Variants in PHF24 observed in about 807,000 individuals in gnomAD.
PHF24 encodes PHD finger protein 24.
PHF24 carries 25 observed loss-of-function variants against 42.6 expected under a neutral mutation model. The observed-to-expected ratio is 0.59, with a 90% CI of 0.43 to 0.82. The LOEUF (loss-of-function observed/expected upper bound fraction) is 0.82, where lower values mean the gene tolerates loss of function less well. PHF24 is among the 40% of genes least tolerant of loss of function. The pLI, the probability that PHF24 is intolerant of heterozygous loss-of-function variation, is 0.00. For synonymous variants in PHF24, 185 were observed against 204.8 expected (o/e 0.90, Z 0.83); for missense variants, 470 against 538.1 (o/e 0.87, Z 1.25).
chr9:34,771,210 ATTG>A, the PHF24 span, among the ~76,000 whole-genome samples: 1 of 152,248 alleles, frequency 6.6e-6, no homozygotes, highest in Non-Finnish European at 1.5e-5. Context: ...GGACAATTTC[ATTG>A]TTGTGCCAGC....
chr9:34,729,713 G>A, the PHF24 span, among the ~76,000 whole-genome samples: 2 of 152,156 alleles, frequency 1.3e-5, no homozygotes, highest in African/African-American at 4.8e-5. Context: ...CCCTATACCA[G>A]CCTGATGCCT....
the PHF24 span, among the ~76,000 whole-genome samples, chr9:34,759,656 C>T: frequency 6.6e-6 from 1 of 152,166 alleles, no homozygotes; most frequent in Non-Finnish European, 1.5e-5. Context: ...TGTAACAGTT[C>T]TATCACCCGT....
the PHF24 span, among the ~76,000 whole-genome samples, chr9:34,694,898 CA>C: frequency 1.3e-5 from 2 of 152,158 alleles, no homozygotes; most frequent in Non-Finnish European, 2.9e-5. Context: ...AAAATCTTTC[CA>C]GTTAAATTTT....
chr9:34,674,132 G>A, the PHF24 span, among the ~76,000 whole-genome samples: 9 of 152,144 alleles, frequency 5.9e-5, no homozygotes, highest in Non-Finnish European at 8.8e-5. Flanking sequence ...GTTTGCAACC[G>A]AAAAAGCCCT....
At chr9:34,958,076 T>C (rs1426293368), upstream of PHF24, among the ~76,000 whole-genome samples, 1 of 149,536 alleles carries the variant, frequency 6.7e-6, no homozygotes, top group Non-Finnish European at 1.5e-5. This position sits in a 1 kb window ranked among gnomAD's most constrained non-coding sequence, Gnocchi z 4.5. Context: ...CCGTCGCCGG[T>C]CACCCGCCGC....
Position 34,961,097 on chromosome 9 carries a change from C to T in PHF24, c.-5+2696C>T, listed in dbSNP as rs185420386. On this transcript the variant is annotated intron_variant, in intron 1 of 7. Coordinates refer to ENST00000242315, the Ensembl canonical transcript of PHF24. Reference sequence around the variant, plus strand: ...TAAGACCTCCCCAGGCCCATTTCCCCGACTCCTTGCAATTTTTTCCACTAC... The same window carrying T: ...TAAGACCTCCCCAGGCCCATTTCCCTGACTCCTTGCAATTTTTTCCACTAC... 1.1e-3 allele frequency among the ~76,000 whole-genome samples: 175 copies of T among 152,274 alleles called. 2 individuals carry two copies. The highest frequency in any genetic ancestry group is 3.9e-3 in the African/African-American group (163 of 41,558).
At chr9:34,711,456 C>T in the PHF24 span, among the ~76,000 whole-genome samples, 30 of 151,910 alleles carry the variant, frequency 2.0e-4, no homozygotes, top group East Asian at 4.5e-3. Flanking sequence ...TAGTCTCGAA[C>T]GCCTGACCTC....
the PHF24 span, among the ~76,000 whole-genome samples, chr9:34,906,339 T>C: frequency 5.3e-5 from 8 of 152,104 alleles, no homozygotes; most frequent in Non-Finnish European, 1.2e-4. Context: ...ATACATTGGT[T>C]CAGCCCAGAA....
chr9:34,712,522 T>C, the PHF24 span, among the ~76,000 whole-genome samples: 2 of 152,184 alleles, frequency 1.3e-5, no homozygotes, highest in South Asian at 4.1e-4. Flanking sequence ...TCCTTTTTTT[T>C]CTGCTTAAAT....
the PHF24 span, among the ~76,000 whole-genome samples, chr9:34,708,710 C>T: frequency 2.0e-5 from 3 of 152,154 alleles, no homozygotes; most frequent in African/African-American, 7.2e-5. Context: ...CGAAGGTCAC[C>T]CCTGGAGTTA....
chr9:34,797,518 T>C, the PHF24 span, among the ~76,000 whole-genome samples: 1 of 152,160 alleles, frequency 6.6e-6, no homozygotes, highest in Admixed American at 6.5e-5. Flanking sequence ...GGCAGCTCAG[T>C]GGCCTAGACT....
At chr9:34,945,235 G>A in the PHF24 span, among the ~76,000 whole-genome samples, 1 of 152,166 alleles carries the variant, frequency 6.6e-6, no homozygotes, top group East Asian at 1.9e-4. Flanking sequence ...CTAGACAATG[G>A]GTGAACTATA....
At chr9:34,862,876 G>A in the PHF24 span, among the ~76,000 whole-genome samples, 3 of 151,918 alleles carry the variant, frequency 2.0e-5, no homozygotes, top group Admixed American at 1.3e-4. Flanking sequence ...GTTCTTAGAT[G>A]GCATTTCTGG....
chr9:34,730,203 TG>T, the PHF24 span, among the ~76,000 whole-genome samples: 2 of 152,160 alleles, frequency 1.3e-5, no homozygotes, highest in Non-Finnish European at 2.9e-5. Flanking sequence ...TGCCTGAGGA[TG>T]TTTTTTTTGT....
In PHF24 at chr9:34,976,091, T is replaced by C. The variant is rs545267942; in HGVS notation, c.565-61T>C. On this transcript the variant is annotated intron_variant, in intron 3 of 7. Transcript: ENST00000242315. ...AGTTGAAATTCTATTTCTAGCCCCC[T>C]TGACCCTGGCCTTTCTTACTGGCCT... 6.0e-6 allele frequency: 7 copies of C among 1,165,962 alleles called. No individual in the cohort carries two copies. In the African/African-American group the frequency reaches 6.1e-5, roughly 10 times the overall value. 72.2% of individuals were successfully genotyped at this position (1,165,962 alleles called of 1,614,324 possible).
chr9:34,741,059 T>C, the PHF24 span, among the ~76,000 whole-genome samples: 1 of 151,728 alleles, frequency 6.6e-6, no homozygotes, highest in Non-Finnish European at 1.5e-5. Flanking sequence ...CTAATTTTTG[T>C]ATTATTAGTA....
At chr9:34,711,045 A>C in the PHF24 span, among the ~76,000 whole-genome samples, 1 of 152,222 alleles carries the variant, frequency 6.6e-6, no homozygotes, top group African/African-American at 2.4e-5. Flanking sequence ...AGTTTGAATA[A>C]TACCAACTTA....
At chr9:34,853,672 C>T in the PHF24 span, among the ~76,000 whole-genome samples, 1 of 151,726 alleles carries the variant, frequency 6.6e-6, no homozygotes, top group Admixed American at 6.6e-5. Context: ...ACTAAAAATA[C>T]AAAAAATTAG....
At chr9:34,960,541 G>T (rs761035600) in intron 1 of PHF24, among the ~76,000 whole-genome samples, 3 of 152,078 alleles carry the variant, frequency 2.0e-5, no homozygotes, top group Non-Finnish European at 4.4e-5. Context: ...AGAATAAATA[G>T]GTAGGCATAT....
Sources: allele counts gnomAD v4.1 joint callset (sites outside exome capture counted in the v4.1 genomes callset), GRCh38; gene constraint gnomAD v4.1.1; non-coding constraint Gnocchi (gnomAD v3.1); transcripts MANE v1.5; gene names NCBI Gene and HGNC (gene_info 2026-07-23, HGNC 2026-07-21).